WAC: variants seen among roughly 807,000 people sequenced by gnomAD.
WAC encodes the protein WW domain containing adaptor with coiled-coil, also known as WW domain-containing adapter protein with coiled-coil.
A neutral mutation model predicts 79.6 loss-of-function variants in WAC; 11 were observed. That is an observed-to-expected ratio of 0.14 (90% CI 0.09 to 0.23). WAC has a LOEUF of 0.23. Among genes scored for constraint, WAC ranks in the 10% least tolerant of loss-of-function variants. WAC has a pLI of 1.00. For synonymous variants in WAC, 304 were observed against 276.9 expected, an observed-to-expected ratio of 1.10 and a Z score of -0.97; for missense variants, 728 against 773.5, an observed-to-expected ratio of 0.94 and a Z score of 0.70.
In WAC at chr10:28,606,437, T is replaced by A. The variant is rs557788772; in HGVS notation, c.920-1749T>A. 3.5e-4 allele frequency among the ~76,000 whole-genome samples: 53 copies of A among 152,348 alleles called. No homozygotes were observed. In the East Asian group the frequency reaches 6.8e-3, roughly 19 times the overall value. On this transcript the variant is annotated intron_variant, in intron 7 of 13. Transcript: ENST00000354911. ...GTAAAGCTGAAAATAATAGGCAGTC[T>A]GCTGGATTCAAGCACCTTCCTTTAA...
chr10:28,536,830 T>C (rs1836705385), intron 3 of WAC, among the ~76,000 whole-genome samples: 1 of 152,230 alleles, frequency 6.6e-6, no homozygotes, highest in Non-Finnish European at 1.5e-5. Flanking sequence ...CTATATTCTC[T>C]CCTACATGTT....
chr10:28,533,808 G>C lies in WAC; in HGVS notation c.41+188G>C. On this transcript the variant is annotated intron_variant, in intron 1 of 13. Coordinates refer to ENST00000354911, the MANE Select transcript of WAC (RefSeq NM_016628.5). ...CAGTGTGGCGGGGAGCGGGGGCCCG[G>C]CTTCGCGGCATTTCGCCCTCTCCGG... The C allele has an allele frequency of 3.0e-6, 3 of 999,316 alleles. No homozygotes were observed. The South Asian group carries it at 4.9e-5, about 16-fold the overall frequency. 61.9% of individuals were successfully genotyped at this position (999,316 alleles called of 1,614,324 possible).
chr10:28,616,476 A>C (rs1455290744), intron 12 of WAC, 114 bp downstream of exon 12: 4 of 898,144 alleles, frequency 4.5e-6, no homozygotes, highest in Non-Finnish European at 6.2e-6. Context: ...AAAATAATGA[A>C]TCTCTAACTT....
chr10:28,601,008 T>C (rs1840616851), intron 7 of WAC, among the ~76,000 whole-genome samples: 1 of 150,496 alleles, frequency 6.6e-6, no homozygotes, highest in African/African-American at 2.4e-5. Flanking sequence ...GAAAACAAAA[T>C]CTAAATGGTA....
At chr10:28,535,513 T>C in intron 2 of WAC, 49 bp from the exon 3 acceptor site, 2 of 1,513,166 alleles carry the variant, frequency 1.3e-6, no homozygotes, top group Non-Finnish European at 1.8e-6. Context: ...TTAGGGAGTT[T>C]AAGGTTTCAA....
At position 28,595,973 on chromosome 10, in the gene WAC, G is replaced by A. The variant is rs1840343613; in HGVS notation, c.851G>A (p.Gly284Glu). 2.5e-6 allele frequency: 4 copies of A among 1,613,956 alleles called. No homozygotes were observed. The highest frequency in any genetic ancestry group is 3.4e-6 in the Non-Finnish European group (4 of 1,179,996). The change falls in exon 7 of 14, where the codon GGA (glycine) becomes GAA (glutamate). Residue 284 changes from glycine to glutamate, a missense_variant. Coordinates refer to ENST00000354911, the MANE Select transcript of WAC (RefSeq NM_016628.5). ...CCAAAGAAATCATTTGATGCTAATG[G>A]AGCATCTACTTTATCAAAACTGCCT... ...HQPKKSFDAN[G>E]ASTLSKLPTP... is the part of the protein sequence containing the mutation.
At chr10:28,591,453 A>T (rs1003883884) in intron 6 of WAC, 3 of 152,254 alleles carry the variant, frequency 2.0e-5, no homozygotes, top group Admixed American at 2.0e-4. Flanking sequence ...TTCTGAGGCC[A>T]AATTTTGTGC....
chr10:28,587,535 A>C (rs756533439), intron 4 of WAC, among the ~76,000 whole-genome samples: 1 of 152,226 alleles, frequency 6.6e-6, no homozygotes, highest in Non-Finnish European at 1.5e-5. Context: ...TATATTGGCA[A>C]CCATCCCAGG....
intron 3 of WAC, 87 bp from the exon 4 acceptor site, chr10:28,583,307 TATAAA>T (rs1839635434): frequency 5.6e-6 from 5 of 892,414 alleles, no homozygotes; most frequent in Non-Finnish European, 8.4e-6. Context: ...CGTTTAGAGA[TATAAA>T]ATAATATCTA....
At chr10:28,561,722 G>T (rs1838308356) in intron 3 of WAC, among the ~76,000 whole-genome samples, 1 of 152,196 alleles carries the variant, frequency 6.6e-6, no homozygotes, top group Admixed American at 6.5e-5. Context: ...ACAGCAGGAG[G>T]TGAGCGGCAG....
chr10:28,586,858 A>G (rs369718493), intron 4 of WAC, among the ~76,000 whole-genome samples: 3 of 152,200 alleles, frequency 2.0e-5, no homozygotes, highest in Non-Finnish European at 2.9e-5. Flanking sequence ...TAAATATTCT[A>G]TGCCAATTTT....
intron 3 of WAC, among the ~76,000 whole-genome samples, chr10:28,568,317 T>C (rs1249551593): frequency 6.6e-6 from 1 of 152,214 alleles, no homozygotes; most frequent in Non-Finnish European, 1.5e-5. Flanking sequence ...TTTAAGTCAA[T>C]TGGAAATAGG....
chr10:28,567,274 A>G (rs985921887), intron 3 of WAC, among the ~76,000 whole-genome samples: 1 of 147,846 alleles, frequency 6.8e-6, no homozygotes, highest in African/African-American at 2.5e-5. Context: ...TTTATGTTGT[A>G]TACCCCCACT....
At chr10:28,582,462 C>T (rs1839588350) in intron 3 of WAC, among the ~76,000 whole-genome samples, 1 of 151,958 alleles carries the variant, frequency 6.6e-6, no homozygotes. Flanking sequence ...TGCTTTTATC[C>T]ACCCTGGTTC....
intron 4 of WAC, among the ~76,000 whole-genome samples, chr10:28,586,223 T>C (rs1205781143): frequency 7.9e-5 from 12 of 152,198 alleles, no homozygotes; most frequent in Non-Finnish European, 1.6e-4. Context: ...AAAAACCAAG[T>C]TGAAATTATC....
intron 1 of WAC, 142 bp from the exon 2 acceptor site, chr10:28,533,856 G>A: frequency 8.8e-7 from 1 of 1,133,980 alleles, no homozygotes; most frequent in South Asian, 1.4e-5. Context: ...CTCCGGGTTT[G>A]TGCCGTGTGC....
At chr10:28,543,572 T>G (rs1832478489) in intron 3 of WAC, among the ~76,000 whole-genome samples, 1 of 152,244 alleles carries the variant, frequency 6.6e-6, no homozygotes, top group South Asian at 2.1e-4. Context: ...GTCTGGCTTT[T>G]ACATATATTT....
intron 3 of WAC, among the ~76,000 whole-genome samples, chr10:28,536,698 A>G (rs868410494): frequency 6.6e-6 from 1 of 152,236 alleles, no homozygotes; most frequent in African/African-American, 2.4e-5. Context: ...TCTTTGTGGT[A>G]GGAGTCTGAG....
At chr10:28,600,202 G>A (rs762645384) in intron 7 of WAC, among the ~76,000 whole-genome samples, 1 of 145,160 alleles carries the variant, frequency 6.9e-6, no homozygotes, top group South Asian at 2.3e-4. Context: ...CTAGCTCTCC[G>A]TATGAACATG....
Sources: gnomAD v4.1 joint callset for allele counts (sites outside exome capture counted in the v4.1 genomes callset) on GRCh38, gnomAD v4.1.1 for gene constraint, MANE v1.5 for transcripts, NCBI Gene and HGNC (gene_info 2026-07-23, HGNC 2026-07-21) for gene names.